GRIK1: variants seen among roughly 807,000 people sequenced by gnomAD.
The protein encoded by GRIK1 is glutamate ionotropic receptor kainate type subunit 1, also known as glutamate receptor ionotropic, kainate 1.
A neutral mutation model predicts 105.7 loss-of-function variants in GRIK1; 69 were observed. The observed-to-expected ratio is 0.65, with a 90% confidence interval of 0.54 to 0.80. The LOEUF is 0.80. Among genes scored for constraint, GRIK1 ranks in the 30% least tolerant of loss-of-function variants. The pLI, the probability that GRIK1 is intolerant of heterozygous loss-of-function variation, is 0.00. For synonymous variants in GRIK1, 438 were observed against 431.3 expected, an observed-to-expected ratio of 1.02 and a Z score of -0.19; for missense variants, 1,109 against 1,167.3, an observed-to-expected ratio of 0.95 and a Z score of 0.73.
At chr21:29,761,494 T>C (rs1045130533) in intron 1 of GRIK1, 3 of 152,166 alleles carry the variant, frequency 2.0e-5, no homozygotes, top group African/African-American at 7.2e-5. Flanking sequence ...CGAATATTAC[T>C]GTATAACTTT....
intron 1 of GRIK1, among the ~76,000 whole-genome samples, chr21:29,763,235 C>G (rs1230230149): frequency 6.6e-6 from 1 of 152,138 alleles, no homozygotes; most frequent in Non-Finnish European, 1.5e-5. Context: ...TTGGTAGTTC[C>G]TCCAGCTTTC....
At chr21:29,934,238 T>C (rs1383392137) in intron 1 of GRIK1, among the ~76,000 whole-genome samples, 1 of 152,224 alleles carries the variant, frequency 6.6e-6, no homozygotes, top group Admixed American at 6.5e-5. Flanking sequence ...ATAATATCAG[T>C]TTTTCTCTTT....
At chr21:29,763,748 A>G (rs1407599908) in intron 1 of GRIK1, 5 of 152,240 alleles carry the variant, frequency 3.3e-5, no homozygotes, top group Non-Finnish European at 7.3e-5. Context: ...CTCCCGTGAC[A>G]GTGAAACATT....
At chr21:29,926,401 A>T (rs889101987) in intron 1 of GRIK1, among the ~76,000 whole-genome samples, 4 of 152,190 alleles carry the variant, frequency 2.6e-5, no homozygotes, top group African/African-American at 9.6e-5. Context: ...TCATTCAAAT[A>T]TAGATTTTTA....
chr21:29,789,948 A>C (rs1324329521), intron 1 of GRIK1, among the ~76,000 whole-genome samples: 1 of 152,260 alleles, frequency 6.6e-6, no homozygotes, highest in Admixed American at 6.5e-5. Context: ...AATGCTCACA[A>C]ATCAAATCTT....
intron 1 of GRIK1, among the ~76,000 whole-genome samples, chr21:29,707,237 A>G (rs1215601371): frequency 6.6e-6 from 1 of 152,174 alleles, no homozygotes; most frequent in Non-Finnish European, 1.5e-5. Flanking sequence ...ATTTTATTTT[A>G]AAAGCACACA....
chr21:29,896,531 G>A (rs562984751), intron 1 of GRIK1, among the ~76,000 whole-genome samples: 1 of 152,132 alleles, frequency 6.6e-6, no homozygotes, highest in Non-Finnish European at 1.5e-5. Context: ...CTCAAAAAAT[G>A]TATTTTGAAT....
At chr21:29,573,232 C>T (rs959643990) in intron 14 of GRIK1, among the ~76,000 whole-genome samples, 3 of 152,148 alleles carry the variant, frequency 2.0e-5, no homozygotes, top group Non-Finnish European at 4.4e-5. Flanking sequence ...TGAGAGAATG[C>T]TTGCATTGAT....
At chr21:29,815,622 CTAT>C (rs2067134386) in intron 1 of GRIK1, among the ~76,000 whole-genome samples, 1 of 152,012 alleles carries the variant, frequency 6.6e-6, no homozygotes, top group African/African-American at 2.4e-5. Context: ...CTCTAAAATA[CTAT>C]TATTAAAAGA....
chr21:29,886,667 C>A (rs181752125), intron 1 of GRIK1, among the ~76,000 whole-genome samples: 1 of 152,208 alleles, frequency 6.6e-6, no homozygotes, highest in Admixed American at 6.5e-5. Flanking sequence ...TTTGGCTTTT[C>A]TTTTCCTACT....
chr21:29,764,959 A>C (rs2065620938), intron 1 of GRIK1, among the ~76,000 whole-genome samples: 1 of 152,220 alleles, frequency 6.6e-6, no homozygotes, highest in Non-Finnish European at 1.5e-5. Flanking sequence ...AATGCATTCC[A>C]AGCCCTTTTA....
chr21:29,592,304 C>G (rs1424005157), intron 9 of GRIK1, among the ~76,000 whole-genome samples: 1 of 152,202 alleles, frequency 6.6e-6, no homozygotes, highest in East Asian at 1.9e-4. Flanking sequence ...CTCACTTTTA[C>G]TGGTCACTGA....
chr21:29,886,886 A>C (rs2069651556), intron 1 of GRIK1, among the ~76,000 whole-genome samples: 1 of 152,192 alleles, frequency 6.6e-6, no homozygotes, highest in African/African-American at 2.4e-5. Flanking sequence ...AGAGAAATGT[A>C]CATATCCACA....
chr21:29,934,623 C>G (rs1279740705), intron 1 of GRIK1, among the ~76,000 whole-genome samples: 6 of 152,146 alleles, frequency 3.9e-5, no homozygotes, highest in African/African-American at 1.4e-4. Context: ...ACTGTGTGTA[C>G]TTGGCATACA....
At chr21:29,912,341 G>C (rs1187927318) in intron 1 of GRIK1, among the ~76,000 whole-genome samples, 1 of 152,036 alleles carries the variant, frequency 6.6e-6, no homozygotes, top group African/African-American at 2.4e-5. Context: ...TGATCAGAGA[G>C]ATGTCAGCCC....
intron 1 of GRIK1, among the ~76,000 whole-genome samples, chr21:29,920,192 TTTTA>T (rs1257766126): frequency 6.6e-6 from 1 of 151,520 alleles, no homozygotes; most frequent in Non-Finnish European, 1.5e-5. Flanking sequence ...AAGTTTTAAA[TTTTA>T]TCTTTGGGGG....
intron 1 of GRIK1, among the ~76,000 whole-genome samples, chr21:29,720,386 C>T (rs1372252323): frequency 1.3e-5 from 2 of 152,186 alleles, no homozygotes; most frequent in Non-Finnish European, 2.9e-5. Flanking sequence ...CTCTAAGTGC[C>T]TGTGCCAGCT....
intron 16 of GRIK1, among the ~76,000 whole-genome samples, chr21:29,538,101 A>G (rs1026860511): frequency 6.6e-6 from 1 of 152,204 alleles, no homozygotes; most frequent in Non-Finnish European, 1.5e-5. Flanking sequence ...TATAATCTGC[A>G]TTGCAATTAT....
chr21:29,901,689 G>C (rs2070414948), intron 1 of GRIK1, among the ~76,000 whole-genome samples: 1 of 152,140 alleles, frequency 6.6e-6, no homozygotes, highest in Non-Finnish European at 1.5e-5. Context: ...GGACAAGACG[G>C]ATTCACAGCC....
Sources: gnomAD v4.1 joint callset for allele counts (sites outside exome capture counted in the v4.1 genomes callset) on GRCh38, gnomAD v4.1.1 for gene constraint, MANE v1.5 for transcripts, NCBI Gene and HGNC (gene_info 2026-07-23, HGNC 2026-07-21) for gene names.